PARD3B: variants seen among roughly 807,000 people sequenced by gnomAD.
PARD3B encodes the protein partitioning defective 3 homolog B.
In PARD3B, 103 loss-of-function variants were observed where a neutral mutation model predicts 130.2. That is an observed-to-expected ratio of 0.79 (90% CI 0.67 to 0.93). The LOEUF (loss-of-function observed/expected upper bound fraction) is 0.93. Ranked by LOEUF, PARD3B falls within the 40% of genes least tolerant of loss-of-function variation. The probability of loss-of-function intolerance (pLI) is 0.00; values close to 1 mark genes in which losing one functional copy is unlikely to be tolerated. For synonymous variants in PARD3B, 583 were observed against 553.2 expected, an observed-to-expected ratio of 1.05 and a Z score of -0.76; for missense variants, 1,609 against 1,499.2, an observed-to-expected ratio of 1.07 and a Z score of -1.21.
At chr2:205,505,230 G>A (rs957306304) in intron 21 of PARD3B, among the ~76,000 whole-genome samples, 3 of 151,748 alleles carry the variant, frequency 2.0e-5, no homozygotes, top group Non-Finnish European at 4.4e-5. Flanking sequence ...TGACACACTG[G>A]GGCCTGTTGT....
chr2:205,370,846 T>C (rs1442588030), intron 18 of PARD3B, among the ~76,000 whole-genome samples: 1 of 151,842 alleles, frequency 6.6e-6, no homozygotes, highest in Non-Finnish European at 1.5e-5. Context: ...GGGTGATGTT[T>C]GCCTTGGCTT....
At chr2:204,883,694 T>C (rs1462483657) in intron 2 of PARD3B, among the ~76,000 whole-genome samples, 2 of 151,760 alleles carry the variant, frequency 1.3e-5, no homozygotes, top group Non-Finnish European at 2.9e-5. Context: ...TCCGCCCACC[T>C]TGGCCTCCCA....
chr2:205,400,945 A>C, intron 18 of PARD3B, 68 bp from the exon 19 acceptor site: 1 of 1,155,326 alleles, frequency 8.7e-7, no homozygotes, highest in Non-Finnish European at 1.3e-6. Flanking sequence ...TCATCCCATA[A>C]ATATCTTAGC....
intron 2 of PARD3B, among the ~76,000 whole-genome samples, chr2:204,924,577 C>G (rs1333686920): frequency 6.6e-6 from 1 of 152,074 alleles, no homozygotes; most frequent in Non-Finnish European, 1.5e-5. Context: ...TTGGCTCCCT[C>G]TCAAATATCT....
intron 2 of PARD3B, among the ~76,000 whole-genome samples, chr2:204,900,796 AT>A (rs2046825981): frequency 1.3e-5 from 2 of 152,084 alleles, no homozygotes; most frequent in Non-Finnish European, 2.9e-5. Context: ...AGGGACTTAG[AT>A]GTTGTAATCT....
chr2:205,583,985 A>G (rs1004322126), intron 22 of PARD3B, among the ~76,000 whole-genome samples: 6 of 152,248 alleles, frequency 3.9e-5, no homozygotes, highest in Non-Finnish European at 7.3e-5. Flanking sequence ...ATAAAGAGCC[A>G]TGTTACCCAT....
chr2:205,507,317 G>C (rs2336599), intron 21 of PARD3B, among the ~76,000 whole-genome samples: 65,660 of 148,164 alleles, frequency 0.44, 15,065 homozygotes, highest in South Asian at 0.61. Flanking sequence ...GGGGTTCACG[G>C]CATTCTCCTG....
chr2:205,094,896 T>C (rs1204125079), intron 4 of PARD3B, among the ~76,000 whole-genome samples: 1 of 152,208 alleles, frequency 6.6e-6, no homozygotes, highest in Non-Finnish European at 1.5e-5. Flanking sequence ...TGGTAATTGC[T>C]GAATTATCCC....
chr2:204,969,788 T>A (rs903552292), intron 3 of PARD3B, among the ~76,000 whole-genome samples: 4 of 152,176 alleles, frequency 2.6e-5, no homozygotes, highest in African/African-American at 9.7e-5. Context: ...AATAAATAGA[T>A]ACTATGAATA....
intron 2 of PARD3B, among the ~76,000 whole-genome samples, chr2:204,895,380 T>C (rs569081665): frequency 1.1e-4 from 17 of 152,242 alleles, no homozygotes; most frequent in African/African-American, 4.1e-4. Context: ...TTGCATTACC[T>C]AGCCCTTTAA....
Position 205,589,380 on chromosome 2 carries a change from G to A in PARD3B, c.3261-26076G>A, listed in dbSNP as rs1235350420. Among the ~76,000 whole-genome samples the A allele has an allele frequency of 1.3e-5, 2 of 152,098 alleles. No individual in the cohort carries two copies. The highest frequency in any genetic ancestry group is 2.9e-5 in the Non-Finnish European group (2 of 68,014). ...AGGATGAGATTAAATCTCACCACAG[G>A]ATCTCACCAAAATCAGGCTCTCCAA... On this transcript the variant is annotated intron_variant, in intron 22 of 22. Transcript: ENST00000406610. This position sits in a 1 kb window ranked among gnomAD's most constrained non-coding sequence, Gnocchi z 4.1.
intron 3 of PARD3B, among the ~76,000 whole-genome samples, chr2:205,016,348 T>C (rs1696147590): frequency 6.6e-6 from 1 of 152,124 alleles, no homozygotes; most frequent in East Asian, 1.9e-4. Context: ...GTGCTCTTTT[T>C]CCCTTTGTTC....
chr2:204,998,182 T>C (rs1362131200), intron 3 of PARD3B, among the ~76,000 whole-genome samples: 2 of 148,946 alleles, frequency 1.3e-5, no homozygotes, highest in Non-Finnish European at 3.0e-5. Context: ...GGGTGGGATC[T>C]AGGAGAGGGA....
chr2:205,377,179 G>T (rs978367380), intron 18 of PARD3B, among the ~76,000 whole-genome samples: 13 of 152,288 alleles, frequency 8.5e-5, no homozygotes, highest in African/African-American at 3.1e-4. Flanking sequence ...TGGAGGAAAG[G>T]ATTTAGTGAA....
rs10672449 is a variant in PARD3B at position 205,067,095 on chromosome 2, C to CTTTTTTTTTTTTT, written c.504+19422_504+19434dup. 5.7e-3 allele frequency among the ~76,000 whole-genome samples: 342 copies of CTTTTTTTTTTTTT among 59,662 alleles called. 53 individuals carry two copies. The highest frequency in any genetic ancestry group is 7.6e-3 in the Non-Finnish European group (244 of 32,102). The allele number at this position is 59,662 out of a possible 152,430, so 39.1% of individuals were successfully genotyped here. ...GCATCTTGCATCCACTTTTACTAGG[C>CTTTTTTTTTTTTT]TTTTTTTTTTTTTTTTTTTTTTTTT... On this transcript the variant is annotated intron_variant, in intron 4 of 22. Transcript: ENST00000406610.
At chr2:204,703,629 T>TA (rs2037997770) in intron 2 of PARD3B, among the ~76,000 whole-genome samples, 1 of 152,156 alleles carries the variant, frequency 6.6e-6, no homozygotes, top group Non-Finnish European at 1.5e-5. Flanking sequence ...GAAACCCATA[T>TA]AGGTTAAAAG....
Position 205,291,330 on chromosome 2 carries a change from C to T in PARD3B, c.2186-9200C>T, listed in dbSNP as rs1272373366. Among the ~76,000 whole-genome samples, 1 of 152,146 alleles carries T rather than the reference C, an allele frequency of 6.6e-6. No individual in the cohort carries two copies. The highest frequency in any genetic ancestry group is 1.5e-5 in the Non-Finnish European group (1 of 68,026). On this transcript the variant is annotated intron_variant, in intron 16 of 22. Coordinates refer to ENST00000406610, the MANE Select transcript of PARD3B (RefSeq NM_001302769.2). This position sits in a 1 kb window ranked among gnomAD's most constrained non-coding sequence, Gnocchi z 4.6. ...GTAAAGAAAGCTTCGATCTCTGAGT[C>T]TTCTTAGATGATACCCACATAATCT...
chr2:205,144,248 A>AAG (rs2033186355), intron 10 of PARD3B, among the ~76,000 whole-genome samples: 1 of 152,208 alleles, frequency 6.6e-6, no homozygotes. Flanking sequence ...AGATATGTGG[A>AAG]GCAGACGTAT....
At position 205,470,402 on chromosome 2, in the gene PARD3B, T is replaced by C. The variant is rs2048783543; in HGVS notation, c.3045-29494T>C. The stretch of plus-strand genomic sequence containing the variant: ...TCAGACCTCTTCACCAATTTCTTTG[T>C]TAACCACAGTGCCCATGTATCCACT... On this transcript the variant is annotated intron_variant, in intron 20 of 22. Coordinates refer to ENST00000406610, the MANE Select transcript of PARD3B (RefSeq NM_001302769.2). The surrounding 1 kb of genome is among the most constrained non-coding windows in gnomAD (Gnocchi z 4.8). Among the ~76,000 whole-genome samples the C allele has an allele frequency of 6.6e-6, 1 of 152,202 alleles. No homozygotes were observed. The highest frequency in any genetic ancestry group is 6.5e-5 in the Admixed American group (1 of 15,270).
Sources: gnomAD v4.1 joint callset for allele counts (sites outside exome capture counted in the v4.1 genomes callset) on GRCh38, gnomAD v4.1.1 for gene constraint, Gnocchi (gnomAD v3.1) non-coding constraint, MANE v1.5 for transcripts, NCBI Gene and HGNC (gene_info 2026-07-23, HGNC 2026-07-21) for gene names.